Variants in TSHZ2 observed in about 807,000 individuals in gnomAD.
TSHZ2 encodes the protein teashirt zinc finger homeobox 2.
In TSHZ2, 21 loss-of-function variants were observed where a neutral mutation model predicts 74.4. That is an observed-to-expected ratio of 0.28 (90% CI 0.20 to 0.41). The LOEUF is 0.41. Among genes scored for constraint, TSHZ2 ranks in the 10% least tolerant of loss-of-function variants. TSHZ2 has a pLI of 1.00. For missense variants in TSHZ2, 1,244 were observed against 1,293.5 expected, an observed-to-expected ratio of 0.96 and a Z score of 0.59; for synonymous variants, 540 against 515.3, an observed-to-expected ratio of 1.05 and a Z score of -0.65.
At chr20:53,101,843 G>A (rs1986227346) in intron 1 of TSHZ2, among the ~76,000 whole-genome samples, 1 of 152,210 alleles carries the variant, frequency 6.6e-6, no homozygotes, top group South Asian at 2.1e-4. Context: ...ATGAAAAAAA[G>A]TAGAAGTCAC....
At chr20:53,041,057 G>A (rs1453087958) in intron 1 of TSHZ2, among the ~76,000 whole-genome samples, 2 of 152,164 alleles carry the variant, frequency 1.3e-5, no homozygotes, top group African/African-American at 4.8e-5. Context: ...TCTCCTAAGT[G>A]CCCACCCGGC....
chr20:53,184,713 T>C (rs889223621), intron 1 of TSHZ2, among the ~76,000 whole-genome samples: 2 of 152,190 alleles, frequency 1.3e-5, no homozygotes, highest in Non-Finnish European at 2.9e-5. Flanking sequence ...ATTTTTCTAA[T>C]TTTATAATTT....
chr20:53,342,748 T>G (rs1164892983), intron 2 of TSHZ2, among the ~76,000 whole-genome samples: 1 of 152,082 alleles, frequency 6.6e-6, no homozygotes, highest in Non-Finnish European at 1.5e-5. Flanking sequence ...ATCTTTATGC[T>G]CTGTCTTTCT....
At chr20:53,363,933 T>C (rs1981161451) in intron 2 of TSHZ2, among the ~76,000 whole-genome samples, 1 of 152,222 alleles carries the variant, frequency 6.6e-6, no homozygotes, top group Non-Finnish European at 1.5e-5. Flanking sequence ...GTACTGGGCA[T>C]AGAGTGGTGA....
intron 1 of TSHZ2, among the ~76,000 whole-genome samples, chr20:53,215,489 C>A (rs1989415029): frequency 6.6e-6 from 1 of 150,716 alleles, no homozygotes; most frequent in Non-Finnish European, 1.5e-5. Context: ...CAGCTATGGT[C>A]TACAGTCAGA....
At chr20:53,156,329 G>A (rs1987792848) in intron 1 of TSHZ2, among the ~76,000 whole-genome samples, 1 of 152,096 alleles carries the variant, frequency 6.6e-6, no homozygotes, top group Non-Finnish European at 1.5e-5. Context: ...ACAAAATGAT[G>A]GTGTCTGCCT....
intron 2 of TSHZ2, among the ~76,000 whole-genome samples, chr20:53,460,642 A>G (rs548876765): frequency 1.3e-5 from 2 of 152,090 alleles, no homozygotes; most frequent in South Asian, 2.1e-4. Context: ...TAGAATTTCC[A>G]GTTTTTCTGT....
At chr20:53,347,367 G>C (rs904321963) in intron 2 of TSHZ2, among the ~76,000 whole-genome samples, 5 of 152,104 alleles carry the variant, frequency 3.3e-5, no homozygotes, top group Admixed American at 2.6e-4. Flanking sequence ...TAACCACTGA[G>C]GTAGAGGGCC....
rs1403708877 is a variant in TSHZ2, at chr20:53,074,441, T to C, written c.40+101108T>C. Among the ~76,000 whole-genome samples, 6 of 152,186 alleles carry C rather than the reference T, an allele frequency of 3.9e-5. No homozygotes were observed. Among genetic ancestry groups the C allele is most frequent in the Non-Finnish European group, 8.8e-5 (6 of 68,028 alleles). On this transcript the variant is annotated intron_variant, in intron 1 of 2. Coordinates refer to ENST00000371497, the MANE Select transcript of TSHZ2 (RefSeq NM_173485.6). This position sits in a 1 kb window ranked among gnomAD's most constrained non-coding sequence, Gnocchi z 5.9. The stretch of plus-strand genomic sequence containing the variant: ...GGGCTGGCCAGAATACAAGTCAGAA[T>C]GAGATGGATGCAGTACGAAGTGTAG...
intron 1 of TSHZ2, among the ~76,000 whole-genome samples, chr20:53,214,877 G>A (rs1989398179): frequency 6.6e-6 from 1 of 152,182 alleles, no homozygotes; most frequent in Non-Finnish European, 1.5e-5. Flanking sequence ...GTAAACCTGA[G>A]AGGAGAGTGT....
At position 53,074,451 on chromosome 20, in the gene TSHZ2, G is replaced by C. The variant is rs1052287925; in HGVS notation, c.40+101118G>C. Among the ~76,000 whole-genome samples, 4 of 152,186 alleles carry C rather than the reference G, an allele frequency of 2.6e-5. No individual in the cohort carries two copies. The highest frequency in any genetic ancestry group is 4.4e-5 in the Non-Finnish European group (3 of 68,040). On this transcript the variant is annotated intron_variant, in intron 1 of 2. Transcript: ENST00000371497. This position sits in a 1 kb window ranked among gnomAD's most constrained non-coding sequence, Gnocchi z 5.9. ...GAATACAAGTCAGAATGAGATGGATGCAGTACGAAGTGTAGAAATCCAACA... is the reference window on the plus strand; with the variant it reads ...GAATACAAGTCAGAATGAGATGGATCCAGTACGAAGTGTAGAAATCCAACA...
intron 1 of TSHZ2, among the ~76,000 whole-genome samples, chr20:53,105,998 C>T (rs146331887): frequency 2.3e-3 from 357 of 152,080 alleles, no homozygotes; most frequent in African/African-American, 7.9e-3. Context: ...TTATGGGGTA[C>T]GATGTGACGC....
rs1250228414 is a variant in TSHZ2, at chr20:52,972,974, AC to A, written c.-318del. 5.2e-5 allele frequency: 19 copies of A among 363,434 alleles called. No individual in the cohort carries two copies. The highest frequency in any genetic ancestry group is 9.3e-5 in the Admixed American group (2 of 21,462). The allele number at this position is 363,434 out of a possible 1,614,324, so 22.5% of individuals were successfully genotyped here. A position where few individuals can be genotyped will look rare whatever the true frequency, so the allele number is the denominator to read the frequency against. On this transcript the variant is annotated 5_prime_UTR_variant, in exon 1 of 3. An upstream open reading frame in the 5' UTR gains an earlier in-frame stop. Transcript: ENST00000371497. ...AAAAAAAAAAAACCGCAAAAACAAA[AC>A]CAAAAAAATTCCAAAAGCAAAAACA...
At chr20:53,160,744 C>CAAAAAAAAAAAAAA (rs1762991150) in intron 1 of TSHZ2, among the ~76,000 whole-genome samples, 2 of 69,102 alleles carry the variant, frequency 2.9e-5, no homozygotes, top group African/African-American at 1.9e-4. Flanking sequence ...GACTCTGTCT[C>CAAAAAAAAAAAAAA]CAAAAAAAAA....
At chr20:53,369,056 G>A (rs536853032) in intron 2 of TSHZ2, among the ~76,000 whole-genome samples, 1 of 152,296 alleles carries the variant, frequency 6.6e-6, no homozygotes, top group Admixed American at 6.5e-5. Context: ...GAGTTCAGGA[G>A]TTCAAGACCA....
intron 2 of TSHZ2, among the ~76,000 whole-genome samples, chr20:53,416,543 A>G (rs929540392): frequency 3.5e-4 from 53 of 152,214 alleles, no homozygotes; most frequent in Non-Finnish European, 6.0e-4. Flanking sequence ...CACCTGCTAT[A>G]AAGTTTCAGG....
intron 1 of TSHZ2, among the ~76,000 whole-genome samples, chr20:53,021,253 G>T (rs915199082): frequency 6.6e-6 from 1 of 152,126 alleles, no homozygotes; most frequent in Non-Finnish European, 1.5e-5. Context: ...TGGGGGGAAG[G>T]TGTGCAGGAA....
chr20:52,997,530 G>A (rs1167956740), intron 1 of TSHZ2, among the ~76,000 whole-genome samples: 1 of 151,754 alleles, frequency 6.6e-6, no homozygotes, highest in Non-Finnish European at 1.5e-5. Context: ...TGATCTATTT[G>A]TATACATTTC....
intron 1 of TSHZ2, among the ~76,000 whole-genome samples, chr20:53,230,063 AG>A (rs1989787499): frequency 1.3e-5 from 1 of 78,022 alleles, no homozygotes. Context: ...GAGGGAGGGG[AG>A]GGGGAGGAGG....
Sources: allele counts gnomAD v4.1 joint callset (sites outside exome capture counted in the v4.1 genomes callset), GRCh38; gene constraint gnomAD v4.1.1; non-coding constraint Gnocchi (gnomAD v3.1); transcripts MANE v1.5; gene names NCBI Gene and HGNC (gene_info 2026-07-23, HGNC 2026-07-21).